Variants in ATP6V0A4 observed in about 807,000 individuals in gnomAD.
ATP6V0A4 encodes ATPase H+ transporting V0 subunit a4.
Under a neutral mutation model 107.3 loss-of-function variants are expected in ATP6V0A4, and 86 were observed. The ratio of observed to expected loss-of-function variants is 0.80; its 90% CI spans 0.67 to 0.96. The LOEUF (loss-of-function observed/expected upper bound fraction) is 0.96. ATP6V0A4 is among the 40% of genes least tolerant of loss of function. ATP6V0A4 has a pLI of 0.00. For synonymous variants in ATP6V0A4, 353 were observed against 381.4 expected (o/e 0.93, Z 0.87); for missense variants, 908 against 1,045.6 (o/e 0.87, Z 1.81).
rs957702304 is a variant in ATP6V0A4 at position 138,773,032 on chromosome 7, AC to A, written c.-17-1769del. On this transcript the variant is annotated intron_variant, in intron 2 of 21. Transcript: ENST00000310018. The surrounding 1 kb of genome is among the most constrained non-coding windows in gnomAD (Gnocchi z 5.4). Reference sequence around the variant, plus strand: ...GACGGCCCTACTGCTGCCAAATCACACTTTTTCCCCCCAGGTCAACCTTCTG... The same window carrying A: ...GACGGCCCTACTGCTGCCAAATCACATTTTTCCCCCCAGGTCAACCTTCTG... Among the ~76,000 whole-genome samples, 1 of 152,068 alleles carries A rather than the reference AC, an allele frequency of 6.6e-6. No homozygotes were observed. Among genetic ancestry groups the A allele is most frequent in the African/African-American group, 2.4e-5 (1 of 41,412 alleles).
chr7:138,730,341 A>G (rs1049731058), intron 17 of ATP6V0A4, among the ~76,000 whole-genome samples: 1 of 140,038 alleles, frequency 7.1e-6, no homozygotes, highest in Non-Finnish European at 1.6e-5. Context: ...CAACGGGATG[A>G]GTGTGTGTGT....
chr7:138,765,143 AGCTCTCCCTGAAAT>A (rs1807022120), intron 5 of ATP6V0A4, among the ~76,000 whole-genome samples: 1 of 152,124 alleles, frequency 6.6e-6, no homozygotes, highest in African/African-American at 2.4e-5. Flanking sequence ...TGTAAATGTT[AGCTCTCCCTGAAAT>A]GCTTAGTATT....
intron 12 of ATP6V0A4, among the ~76,000 whole-genome samples, chr7:138,748,319 A>T (rs1212727973): frequency 2.0e-5 from 3 of 152,168 alleles, no homozygotes; most frequent in African/African-American, 7.2e-5. Context: ...ATTACAGGCC[A>T]CAAATTCGAC....
At chr7:138,732,830 A>G in intron 17 of ATP6V0A4, 47 bp downstream of exon 17, 2 of 1,469,222 alleles carry the variant, frequency 1.4e-6, no homozygotes, top group Non-Finnish European at 1.8e-6. Context: ...ATTTGACATA[A>G]TCAAGTAAAT....
chr7:138,751,432 C>T (rs534387658), intron 11 of ATP6V0A4, among the ~76,000 whole-genome samples: 1 of 152,086 alleles, frequency 6.6e-6, no homozygotes, highest in Non-Finnish European at 1.5e-5. Context: ...CCATCTTGTA[C>T]TATTTAGGGC....
At chr7:138,731,796 G>A (rs926033362) in intron 17 of ATP6V0A4, among the ~76,000 whole-genome samples, 3 of 152,008 alleles carry the variant, frequency 2.0e-5, no homozygotes, top group African/African-American at 7.2e-5. Flanking sequence ...GGGAGGCTGA[G>A]GCAGGAGAAT....
intron 1 of ATP6V0A4, among the ~76,000 whole-genome samples, chr7:138,796,804 T>C (rs74917304): frequency 0.014 from 2,151 of 152,282 alleles, 18 homozygotes; most frequent in Non-Finnish European, 0.022. Context: ...CACTGTGCTC[T>C]CAAGGGGAAG....
At chr7:138,774,655 T>TATTATATACATTATATACATTATATAC (rs1807570351) in intron 2 of ATP6V0A4, among the ~76,000 whole-genome samples, 2 of 146,928 alleles carry the variant, frequency 1.4e-5, no homozygotes, top group Non-Finnish European at 3.0e-5. Flanking sequence ...ATACATTATA[T>TATTATATACATTATATACATTATATAC]ATTATATATT....
chr7:138,734,764 C>T (rs548344582), intron 15 of ATP6V0A4, among the ~76,000 whole-genome samples: 6 of 106,992 alleles, frequency 5.6e-5, no homozygotes, highest in Non-Finnish European at 1.1e-4. Flanking sequence ...GGCGAAAGAG[C>T]AAGACTCTGT....
At chr7:138,747,303 C>CT (rs1224212346) in intron 13 of ATP6V0A4, 122 bp downstream of exon 13, 12 of 1,303,868 alleles carry the variant, frequency 9.2e-6, no homozygotes, top group Non-Finnish European at 1.3e-5. Context: ...TAATTTGGCT[C>CT]TTTTTTACTT....
Position 138,752,254 on chromosome 7 carries a change from C to T in ATP6V0A4, c.1029+371G>A, listed in dbSNP as rs528100554. Among the ~76,000 whole-genome samples, 3 of 152,092 alleles carry T rather than the reference C, an allele frequency of 2.0e-5. No individual in the cohort carries two copies. In the South Asian group the frequency reaches 6.3e-4, roughly 32 times the overall value. On this transcript the variant is annotated intron_variant, in intron 11 of 21. Coordinates refer to ENST00000310018, the MANE Select transcript of ATP6V0A4 (RefSeq NM_020632.3). The stretch of plus-strand genomic sequence containing the variant: ...ACGTGGTAGGGCGCACCTGTAATCC[C>T]AGCTACTCGGGAGGCTGAGGCAGGA...
At chr7:138,767,382 G>T (rs1451453625) in intron 5 of ATP6V0A4, among the ~76,000 whole-genome samples, 1 of 152,076 alleles carries the variant, frequency 6.6e-6, no homozygotes, top group Non-Finnish European at 1.5e-5. Flanking sequence ...AATTAGCTGG[G>T]CGTGGTGGCG....
intron 13 of ATP6V0A4, 90 bp downstream of exon 13, chr7:138,747,335 A>T (rs543354482): frequency 6.6e-7 from 1 of 1,508,020 alleles, no homozygotes; most frequent in East Asian, 2.3e-5. Flanking sequence ...TTTATTTTTC[A>T]TAAAAATGTG....
intron 21 of ATP6V0A4, among the ~76,000 whole-genome samples, chr7:138,707,181 A>ATAATATTATATAATATAAT (rs1432328563): frequency 4.8e-5 from 3 of 62,786 alleles, no homozygotes; most frequent in African/African-American, 2.2e-4. Flanking sequence ...TATATTATAT[A>ATAATATTATATAATATAAT]ATATATTATA....
In ATP6V0A4 at chr7:138,706,344, A is replaced by G. The variant is rs1803363648; in HGVS notation, c.*280T>C. ...CAAATACAATATTTAAAATATTGCA[A>G]GAAGACATCTGTTTAGCATTCTCCC... is the stretch of plus-strand genomic sequence containing the variant. On this transcript the variant is annotated 3_prime_UTR_variant, in exon 22 of 22. Coordinates refer to ENST00000310018, the MANE Select transcript of ATP6V0A4 (RefSeq NM_020632.3). 1 of 433,874 alleles carries G rather than the reference A, an allele frequency of 2.3e-6. No homozygotes were observed. The highest frequency in any genetic ancestry group is 2.0e-5 in the African/African-American group (1 of 50,288). The allele number at this position is 433,874 out of a possible 1,614,324, so 26.9% of individuals were successfully genotyped here. A position where few individuals can be genotyped will look rare whatever the true frequency, so the allele number is the denominator to read the frequency against.
In ATP6V0A4 at chr7:138,739,848, TAAAG is replaced by T. The variant is rs902770052; in HGVS notation, c.1479-219_1479-216del. 190 of 408,624 alleles carry T rather than the reference TAAAG, an allele frequency of 4.6e-4. 1 individual carries two copies. The highest frequency in any genetic ancestry group is 2.6e-3 in the Middle Eastern group (2 of 784). The allele number at this position is 408,624 out of a possible 1,614,324, so 25.3% of individuals were successfully genotyped here. ...GAGATCTCAGCCTGATGTGCTATAGTAAAGAAACTCAGGGCCGGGAGCAGTGGCT... is the reference window on the plus strand; with the variant it reads ...GAGATCTCAGCCTGATGTGCTATAGTAAACTCAGGGCCGGGAGCAGTGGCT... On this transcript the variant is annotated intron_variant, in intron 14 of 21. Transcript: ENST00000310018.
chr7:138,713,062 G>A (rs1038484295), intron 20 of ATP6V0A4, among the ~76,000 whole-genome samples: 25 of 151,824 alleles, frequency 1.6e-4, no homozygotes, highest in East Asian at 1.9e-4. Flanking sequence ...AGGCCGAGGC[G>A]GGCAGATCAC....
chr7:138,716,029 G>A, intron 19 of ATP6V0A4, 148 bp from the exon 20 acceptor site: 1 of 1,148,224 alleles, frequency 8.7e-7, no homozygotes, highest in East Asian at 2.9e-5. Flanking sequence ...TAGACTTAGA[G>A]AAAGAATTAT....
chr7:138,774,870 T>C (rs1807585248), intron 2 of ATP6V0A4, among the ~76,000 whole-genome samples: 1 of 152,134 alleles, frequency 6.6e-6, no homozygotes, highest in Non-Finnish European at 1.5e-5. Context: ...AAATTCAGCT[T>C]CCGCTGTGGC....
Sources: gnomAD v4.1 joint callset for allele counts (sites outside exome capture counted in the v4.1 genomes callset) on GRCh38, gnomAD v4.1.1 for gene constraint, Gnocchi (gnomAD v3.1) non-coding constraint, MANE v1.5 for transcripts, NCBI Gene and HGNC (gene_info 2026-07-23, HGNC 2026-07-21) for gene names.